Variants in ACTR10 observed in about 807,000 individuals in gnomAD.
ACTR10 encodes actin-related protein 10.
In ACTR10, 43 loss-of-function variants were observed where a neutral mutation model predicts 56.2. The observed-to-expected ratio is 0.77, with a 90% CI of 0.60 to 0.99. The LOEUF (loss-of-function observed/expected upper bound fraction) is 0.99. Ranked by LOEUF, ACTR10 falls within the 50% of genes least tolerant of loss-of-function variation. The pLI, the probability that ACTR10 is intolerant of heterozygous loss-of-function variation, is 0.00. For missense variants in ACTR10, 466 were observed against 507.8 expected (o/e 0.92, Z 0.79); for synonymous variants, 170 against 176.3 (o/e 0.96, Z 0.28).
At position 58,200,238 on chromosome 14, in the gene ACTR10, G is replaced by A; in HGVS notation, c.21G>A (p.Leu7=). Residue 7 remains leucine, a synonymous_variant, in exon 1 of 13, where the codon CTG becomes CTA. Transcript: ENST00000254286. The part of the protein sequence containing the change: MPLYEG[L]GSGGEKTAVV... ...CTACCATGCCGCTCTACGAGGGCCT[G>A]GGGAGCGGCGGGGAGAAGACGGCGG... The A allele has an allele frequency of 6.6e-7, 1 of 1,517,206 alleles. No individual in the cohort carries two copies. 94.0% of individuals were successfully genotyped at this position (1,517,206 alleles called of 1,614,324 possible).
chr14:58,200,773 A>T (rs1397070838), intron 1 of ACTR10, among the ~76,000 whole-genome samples: 1 of 152,258 alleles, frequency 6.6e-6, no homozygotes, highest in Non-Finnish European at 1.5e-5. Context: ...GAGACTGGGC[A>T]CATTAAGAGG....
intron 12 of ACTR10, 137 bp downstream of exon 12, chr14:58,232,404 CTTTTTTTTTT>C (rs5808963): frequency 9.6e-5 from 13 of 135,734 alleles, no homozygotes; most frequent in South Asian, 1.7e-4. Context: ...CTGACTTTTT[CTTTTTTTTTT>C]TTTTTTTTTT....
At chr14:58,225,918 G>T (rs1041440480) in intron 10 of ACTR10, among the ~76,000 whole-genome samples, 2 of 152,072 alleles carry the variant, frequency 1.3e-5, no homozygotes, top group African/African-American at 4.8e-5. Context: ...CACCATGTTG[G>T]CAAGGCTGGT....
chr14:58,222,467 A>T (rs531573610), intron 8 of ACTR10, among the ~76,000 whole-genome samples: 1 of 152,276 alleles, frequency 6.6e-6, no homozygotes, highest in African/African-American at 2.4e-5. Context: ...CTAAGAGCAA[A>T]ATTTGGCATT....
chr14:58,217,507 A>T (rs1279070923), intron 7 of ACTR10, among the ~76,000 whole-genome samples: 2 of 147,314 alleles, frequency 1.4e-5, no homozygotes, highest in East Asian at 2.0e-4. Context: ...GTTTCTACAT[A>T]AAAAAAAAAA....
At chr14:58,232,405 T>TC in intron 12 of ACTR10, 138 bp downstream of exon 12, 1 of 54,166 alleles carries the variant, frequency 1.8e-5, no homozygotes, top group South Asian at 5.5e-4. Flanking sequence ...TGACTTTTTC[T>TC]TTTTTTTTTT....
Position 58,229,266 on chromosome 14 carries a change from T to C in ACTR10, c.789-1133T>C, listed in dbSNP as rs577320100. ...GTTAGGAGTTGGGAGGGGAAGGAAA[T>C]GAGGAGAGGGTCAAAGGACACAAAC... On this transcript the variant is annotated intron_variant, in intron 10 of 12. Transcript: ENST00000254286. Among the ~76,000 whole-genome samples the C allele has an allele frequency of 3.3e-5, 5 of 150,894 alleles. No homozygotes were observed. In the South Asian group the frequency reaches 1.0e-3, roughly 32 times the overall value.
In ACTR10 at chr14:58,200,161, C is replaced by T. The variant is rs1428523306; in HGVS notation, c.-57C>T. On this transcript the variant is annotated 5_prime_UTR_variant, in exon 1 of 13. Coordinates refer to ENST00000254286, the MANE Select transcript of ACTR10 (RefSeq NM_018477.3). ...GAGCCCCGGCCCCGCCCCGCGAGCG[C>T]CGAGACTTGTTGGCCGCGGAGACTG... is the stretch of plus-strand genomic sequence containing the variant. 2.2e-6 allele frequency: 3 copies of T among 1,353,106 alleles called. No individual in the cohort carries two copies. Among genetic ancestry groups the T allele is most frequent in the Non-Finnish European group, 1.9e-6 (2 of 1,035,324 alleles). 83.8% of individuals were successfully genotyped at this position (1,353,106 alleles called of 1,614,324 possible). A position where few individuals can be genotyped will look rare whatever the true frequency, so the allele number is the denominator to read the frequency against.
intron 8 of ACTR10, among the ~76,000 whole-genome samples, chr14:58,220,823 T>C (rs1042711705): frequency 6.6e-6 from 1 of 152,226 alleles, no homozygotes; most frequent in Non-Finnish European, 1.5e-5. Context: ...TTCAAAGTGT[T>C]GTATCCCATC....
At chr14:58,233,227 T>C (rs568677461) in intron 12 of ACTR10, among the ~76,000 whole-genome samples, 1 of 152,260 alleles carries the variant, frequency 6.6e-6, no homozygotes, top group East Asian at 1.9e-4. Context: ...GAGCCACATA[T>C]GAAAATTGGC....
chr14:58,201,929 G>A (rs1205026925), intron 1 of ACTR10, among the ~76,000 whole-genome samples: 1 of 151,072 alleles, frequency 6.6e-6, no homozygotes, highest in Non-Finnish European at 1.5e-5. Context: ...CTTGAGCCTG[G>A]GAAGCGGAGG....
rs1247743879 is a variant in ACTR10, at chr14:58,234,853, G to C, written c.*302G>C. 1.3e-5 allele frequency: 2 copies of C among 159,484 alleles called. No homozygotes were observed. The highest frequency in any genetic ancestry group is 9.1e-5 in the Admixed American group (1 of 11,020). The allele number at this position is 159,484 out of a possible 1,614,324, so 9.9% of individuals were successfully genotyped here. A position where few individuals can be genotyped will look rare whatever the true frequency, so the allele number is the denominator to read the frequency against. On this transcript the variant is annotated 3_prime_UTR_variant, in exon 13 of 13. Transcript: ENST00000254286. ...TTTTTTTTTTTTGAGACGGAGTCTC[G>C]CTCTGTCACTTAGGCTGGAGTGCAG... is the stretch of plus-strand genomic sequence containing the variant.
At chr14:58,212,051 C>G (rs1371408579) in intron 5 of ACTR10, among the ~76,000 whole-genome samples, 1 of 151,700 alleles carries the variant, frequency 6.6e-6, no homozygotes, top group African/African-American at 2.4e-5. Flanking sequence ...GTTTTAGAAT[C>G]AAATACACAA....
chr14:58,212,813 T>C (rs563683589), intron 5 of ACTR10, among the ~76,000 whole-genome samples: 39 of 152,264 alleles, frequency 2.6e-4, no homozygotes, highest in Non-Finnish European at 5.0e-4. Context: ...ATGTGGACCA[T>C]GTATGCAATT....
At chr14:58,202,705 G>A (rs1888754177) in intron 1 of ACTR10, 150 bp from the exon 2 acceptor site, 1 of 504,318 alleles carries the variant, frequency 2.0e-6, no homozygotes, top group African/African-American at 2.0e-5. Context: ...TAGTTTTGTG[G>A]AGTGATTTTT....
chr14:58,219,223 A>T (rs1381947143), intron 7 of ACTR10, among the ~76,000 whole-genome samples: 1 of 152,206 alleles, frequency 6.6e-6, no homozygotes, highest in East Asian at 1.9e-4. Flanking sequence ...ATATATCCAA[A>T]CCAAAGGCTC....
At chr14:58,221,280 T>TAAA (rs35943337) in intron 8 of ACTR10, among the ~76,000 whole-genome samples, 8 of 108,282 alleles carry the variant, frequency 7.4e-5, no homozygotes, top group South Asian at 3.1e-4. Context: ...AGACTCTGTC[T>TAAA]AAAAAAAAAA....
rs1253029304 is a variant in ACTR10 at position 58,200,281 on chromosome 14, G to A, written c.64G>A (p.Glu22Lys). 2 of 1,509,848 alleles carry A rather than the reference G, an allele frequency of 1.3e-6. No individual in the cohort carries two copies. Among genetic ancestry groups the A allele is most frequent in the African/African-American group, 1.5e-5 (1 of 68,656 alleles). The allele number at this position is 1,509,848 out of a possible 1,614,324, so 93.5% of individuals were successfully genotyped here. ...EKTAVVIDLG[E>K]AFTKCGFAGE... The stretch of plus-strand genomic sequence containing the variant: ...GACGGCGGTCGTGATCGACCTGGGA[G>A]AGGCCTTTACCAAGTGAGTGGCCGT... Residue 22 changes from glutamate (E) to lysine (K), a missense_variant, in exon 1 of 13, where the codon GAG (glutamate) becomes AAG (lysine). Coordinates refer to ENST00000254286, the MANE Select transcript of ACTR10 (RefSeq NM_018477.3).
At chr14:58,202,746 C>A in intron 1 of ACTR10, 109 bp from the exon 2 acceptor site, 1 of 722,138 alleles carries the variant, frequency 1.4e-6, no homozygotes, top group South Asian at 2.0e-5. Flanking sequence ...CAGGTATTTT[C>A]AAATGTTATT....
Sources: allele counts gnomAD v4.1 joint callset (sites outside exome capture counted in the v4.1 genomes callset), GRCh38; gene constraint gnomAD v4.1.1; transcripts MANE v1.5; gene names NCBI Gene and HGNC (gene_info 2026-07-23, HGNC 2026-07-21).